VPS50: variants seen among roughly 807,000 people sequenced by gnomAD.
The protein encoded by VPS50 is VPS50 subunit of EARP/GARPII complex.
Under a neutral mutation model 139.7 loss-of-function variants are expected in VPS50, and 70 were observed. That is an observed-to-expected ratio of 0.50 (90% CI 0.41 to 0.61). The LOEUF is 0.61. Among genes scored for constraint, VPS50 ranks in the 20% least tolerant of loss-of-function variants. The pLI is 0.00. For missense variants in VPS50, 921 were observed against 1,133.7 expected, an observed-to-expected ratio of 0.81 and a Z score of 2.69; for synonymous variants, 365 against 376.7, an observed-to-expected ratio of 0.97 and a Z score of 0.36.
chr7:93,295,801 T>C (rs1257817246), intron 14 of VPS50, among the ~76,000 whole-genome samples: 2 of 152,144 alleles, frequency 1.3e-5, no homozygotes, highest in Non-Finnish European at 2.9e-5. Context: ...CATGGCCCAG[T>C]GCAGCCTCGA....
chr7:93,293,830 G>A (rs1190706736), intron 13 of VPS50, among the ~76,000 whole-genome samples: 1 of 152,122 alleles, frequency 6.6e-6, no homozygotes, highest in African/African-American at 2.4e-5. Flanking sequence ...AGGCAAACTT[G>A]TCATGCATCT....
In VPS50 at chr7:93,256,533, A is replaced by C; in HGVS notation, c.322A>C (p.Ile108Leu). 6.9e-7 allele frequency: 1 copy of C among 1,459,806 alleles called. No homozygotes were observed. The allele number at this position is 1,459,806 out of a possible 1,614,324, so 90.4% of individuals were successfully genotyped here. ...AAVSKKVADL[I>L]LEKQPAYVKE... ...GGTATCTAAAAAAGTGGCAGATTTA[A>C]TCCTTGAAAAACAGCCTGCTTATGT... Residue 108 changes from isoleucine to leucine, a missense_variant, in exon 5 of 28, where the codon ATC (isoleucine) becomes CTC (leucine). By Grantham distance (5) the Ile-to-Leu change is conservative. This residue lies in a region of VPS50 where 744 missense variants were observed against 930.6 expected (regional missense o/e 0.80). Coordinates refer to ENST00000305866, the MANE Select transcript of VPS50 (RefSeq NM_017667.4).
intron 12 of VPS50, among the ~76,000 whole-genome samples, chr7:93,279,953 T>G (rs1368388680): frequency 6.6e-6 from 1 of 151,872 alleles, no homozygotes; most frequent in Non-Finnish European, 1.5e-5. Flanking sequence ...TTCTTAGATA[T>G]CAGCCTAAAT....
intron 12 of VPS50, among the ~76,000 whole-genome samples, chr7:93,280,636 A>C (rs1796296496): frequency 6.6e-6 from 1 of 152,178 alleles, no homozygotes; most frequent in South Asian, 2.1e-4. Flanking sequence ...TGAAGTATTC[A>C]TAAGGATTTT....
In VPS50 at chr7:93,349,951, T is replaced by C. The variant is rs1473416753; in HGVS notation, c.2381T>C (p.Met794Thr). Residue 794 changes from methionine (M) to threonine (T), a missense_variant, in exon 25 of 28, where the codon ATG (methionine) becomes ACG (threonine). Met to Thr is a moderately conservative substitution (Grantham distance 81). Around this residue, in one of 3 missense-constraint regions of VPS50, gnomAD observed 744 missense variants for 930.6 expected, o/e 0.80. Coordinates refer to ENST00000305866, the MANE Select transcript of VPS50 (RefSeq NM_017667.4). ...VAGKALDYEQMLLLMANVKWD... is the reference protein window; with the variant it reads ...VAGKALDYEQTLLLMANVKWD... ...GGTAAAGCCCTTGATTATGAACAGA[T>C]GCTGCTTCTCATGGCTAATGTGAAA... 6.2e-7 allele frequency: 1 copy of C among 1,612,926 alleles called. No homozygotes were observed. The highest frequency in any genetic ancestry group is 8.5e-7 in the Non-Finnish European group (1 of 1,179,080).
At chr7:93,265,967 A>G (rs1795832035) in intron 9 of VPS50, among the ~76,000 whole-genome samples, 1 of 152,196 alleles carries the variant, frequency 6.6e-6, no homozygotes, top group African/African-American at 2.4e-5. Flanking sequence ...GCCTGGTTAT[A>G]TATGGTTTGA....
chr7:93,272,505 T>C, intron 10 of VPS50, 130 bp from the exon 11 acceptor site: 1 of 431,670 alleles, frequency 2.3e-6, no homozygotes, highest in South Asian at 5.3e-5. Context: ...TTTTGACTTC[T>C]AAATCTGGTA....
At position 93,303,440 on chromosome 7, in the gene VPS50, GTTCA is replaced by G. The variant is rs1797034658; in HGVS notation, c.1362-17_1362-14del. 2 of 1,239,138 alleles carry G rather than the reference GTTCA, an allele frequency of 1.6e-6. No individual in the cohort carries two copies. The highest frequency in any genetic ancestry group is 2.3e-6 in the Non-Finnish European group (2 of 858,238). The allele number at this position is 1,239,138 out of a possible 1,614,324, so 76.8% of individuals were successfully genotyped here. On this transcript the variant is annotated splice_polypyrimidine_tract_variant and intron_variant, in intron 16 of 27. Coordinates refer to ENST00000305866, the MANE Select transcript of VPS50 (RefSeq NM_017667.4). The stretch of plus-strand genomic sequence containing the variant: ...TACTTTTCTTCTCACTTTTTGGAGT[GTTCA>G]TTTTCTTTTTTTAAGAACACGGCTC...
At position 93,252,792 on chromosome 7, in the gene VPS50, T is replaced by G; in HGVS notation, c.225+17T>G. On this transcript the variant is annotated intron_variant, in intron 3 of 27. Coordinates refer to ENST00000305866, the MANE Select transcript of VPS50 (RefSeq NM_017667.4). The stretch of plus-strand genomic sequence containing the variant: ...GAGCTGGAGGTAAACAGAATTTCAT[T>G]AAAACATAACTAAGGCCTGTTTTGT... 1 of 1,570,406 alleles carries G rather than the reference T, an allele frequency of 6.4e-7. No individual in the cohort carries two copies. The highest frequency in any genetic ancestry group is 8.6e-7 in the Non-Finnish European group (1 of 1,157,060).
chr7:93,287,829 C>G (rs755519951), intron 12 of VPS50, among the ~76,000 whole-genome samples: 2 of 151,884 alleles, frequency 1.3e-5, no homozygotes, highest in Non-Finnish European at 1.5e-5. Context: ...TTTTCTTGAC[C>G]CTGTGCATTA....
At chr7:93,340,137 C>G (rs1480220103) in intron 22 of VPS50, among the ~76,000 whole-genome samples, 3 of 152,138 alleles carry the variant, frequency 2.0e-5, no homozygotes, top group Non-Finnish European at 2.9e-5. Context: ...ACTACCTTGA[C>G]CTCTCTCCTT....
In VPS50 at chr7:93,303,525, C is replaced by G; in HGVS notation, c.1427C>G (p.Ser476Ter). The G allele has an allele frequency of 5.8e-6, 9 of 1,546,588 alleles. No individual in the cohort carries two copies. Among genetic ancestry groups the G allele is most frequent in the Non-Finnish European group, 8.0e-6 (9 of 1,128,240 alleles). Residue 476 changes from serine to a stop codon, truncating the protein, a stop_gained, in exon 17 of 28, where the codon TCA (serine) becomes TGA (stop). Coordinates refer to ENST00000305866, the MANE Select transcript of VPS50 (RefSeq NM_017667.4). LOFTEE classifies it high-confidence loss of function. Reference sequence around the variant, plus strand: ...ACTTGGGAACTTTGTCCTGTTAAGTCAAATTTCAGCATCTTGCAACTTCAT... The same window carrying G: ...ACTTGGGAACTTTGTCCTGTTAAGTGAAATTTCAGCATCTTGCAACTTCAT... ...NETWELCPVKSNFSILQLHEF... is the reference protein window; with the variant it reads ...NETWELCPVK
chr7:93,324,462 G>A (rs1351046404), intron 21 of VPS50, among the ~76,000 whole-genome samples: 11 of 152,140 alleles, frequency 7.2e-5, no homozygotes, highest in Non-Finnish European at 1.0e-4. Context: ...GATACATCCC[G>A]TGAATACCTA....
At position 93,360,313 on chromosome 7, in the gene VPS50, C is replaced by T. The variant is rs1798805738; in HGVS notation, c.*1877C>T. The T allele has an allele frequency of 6.6e-6, 1 of 151,890 alleles. No individual in the cohort carries two copies. Among genetic ancestry groups the T allele is most frequent in the South Asian group, 2.1e-4 (1 of 4,822 alleles). 9.4% of individuals were successfully genotyped at this position (151,890 alleles called of 1,614,324 possible). A position where few individuals can be genotyped will look rare whatever the true frequency, so the allele number is the denominator to read the frequency against. ...ATTACTTATCTTGTTAGAGACTCGA[C>T]CATGCAATCTGACAGACCTTTTAAC... On this transcript the variant is annotated 3_prime_UTR_variant, in exon 28 of 28. Coordinates refer to ENST00000305866, the MANE Select transcript of VPS50 (RefSeq NM_017667.4).
At chr7:93,326,590 T>C (rs2117029688) in intron 21 of VPS50, among the ~76,000 whole-genome samples, 1 of 152,104 alleles carries the variant, frequency 6.6e-6, no homozygotes, top group African/African-American at 2.4e-5. Flanking sequence ...AATGTTTTTC[T>C]GCACCTCCTT....
chr7:93,341,879 A>T (rs1798221613), intron 23 of VPS50, among the ~76,000 whole-genome samples: 1 of 152,204 alleles, frequency 6.6e-6, no homozygotes, highest in African/African-American at 2.4e-5. Context: ...CCTATTGATG[A>T]CTTATGATCT....
In VPS50 at chr7:93,259,685, G is replaced by A. The variant is rs1454334708; in HGVS notation, c.659+53G>A. The A allele has an allele frequency of 4.2e-4, 375 of 889,792 alleles. 6 individuals are homozygous for A. The highest frequency in any genetic ancestry group is 1.9e-5 in the Non-Finnish European group (10 of 530,960). The allele number at this position is 889,792 out of a possible 1,614,324, so 55.1% of individuals were successfully genotyped here. ...GATTCTGTTGTCAGCTTCTTATGTA[G>A]CAGCTGTGTAAAAATGTTAATAAAC... is the stretch of plus-strand genomic sequence containing the variant. On this transcript the variant is annotated intron_variant, in intron 9 of 27. Transcript: ENST00000305866.
chr7:93,335,195 G>A (rs181585602), intron 22 of VPS50, among the ~76,000 whole-genome samples: 26 of 152,266 alleles, frequency 1.7e-4, no homozygotes, highest in Non-Finnish European at 2.9e-4. Flanking sequence ...GTAACATAGT[G>A]TCAGATACTC....
In VPS50 at chr7:93,351,713, C is replaced by T. The variant is rs184242313; in HGVS notation, c.2463+1680C>T. Among the ~76,000 whole-genome samples the T allele has an allele frequency of 1.5e-3, 229 of 152,256 alleles. 1 individual carries two copies. The highest frequency in any genetic ancestry group is 3.2e-3 in the African/African-American group (131 of 41,554). ...TTTAAAAAGCCCCACCTCCCAATAC[C>T]ATCACCCTGGGATTAGGATTTCAAC... is the stretch of plus-strand genomic sequence containing the variant. On this transcript the variant is annotated intron_variant, in intron 25 of 27. Coordinates refer to ENST00000305866, the MANE Select transcript of VPS50 (RefSeq NM_017667.4).
Sources: allele counts gnomAD v4.1 joint callset (sites outside exome capture counted in the v4.1 genomes callset), GRCh38; gene constraint gnomAD v4.1.1; regional missense constraint gnomAD v4.1.1; transcripts MANE v1.5; gene names NCBI Gene and HGNC (gene_info 2026-07-23, HGNC 2026-07-21).